Variants in MRTFB observed in about 807,000 individuals in gnomAD.
The protein encoded by MRTFB is myocardin-related transcription factor B.
In MRTFB, 29 loss-of-function variants were observed where a neutral mutation model predicts 104.2. That is an observed-to-expected ratio of 0.28 (90% CI 0.21 to 0.38). The LOEUF is 0.38. MRTFB is among the 10% of genes least tolerant of loss of function. The pLI, the probability that MRTFB is intolerant of heterozygous loss-of-function variation, is 1.00. For synonymous variants in MRTFB, 535 were observed against 519.5 expected (o/e 1.03, Z -0.41); for missense variants, 1,270 against 1,341.6 (o/e 0.95, Z 0.83).
chr16:14,252,979 C>G (rs926753388), intron 15 of MRTFB, among the ~76,000 whole-genome samples: 3 of 152,150 alleles, frequency 2.0e-5, no homozygotes, highest in East Asian at 3.9e-4. Context: ...CCAGCCCATC[C>G]AAATGACTTT....
chr16:14,058,735 T>TC, the MRTFB span, among the ~76,000 whole-genome samples: 1 of 138,592 alleles, frequency 7.2e-6, no homozygotes, highest in South Asian at 2.4e-4. Context: ...TTTTTTTTTT[T>TC]TGAGACGGAG....
chr16:14,210,380 T>C (rs750720413), intron 4 of MRTFB, 72 bp downstream of exon 4: 1 of 1,173,082 alleles, frequency 8.5e-7, no homozygotes, highest in African/African-American at 1.5e-5. Flanking sequence ...AGAGCCTGCA[T>C]CTTGCTCTGC....
chr16:14,179,672 T>C (rs960152466), intron 3 of MRTFB, among the ~76,000 whole-genome samples: 25 of 152,292 alleles, frequency 1.6e-4, no homozygotes, highest in African/African-American at 5.8e-4. Context: ...AATTCTTTAG[T>C]GGTTGAAATA....
At chr16:14,146,360 C>G (rs568247191) in intron 3 of MRTFB, among the ~76,000 whole-genome samples, 2 of 152,296 alleles carry the variant, frequency 1.3e-5, no homozygotes, top group South Asian at 2.1e-4. Flanking sequence ...TTTTAAACTT[C>G]GGTATTACAA....
At chr16:14,043,407 C>T in the MRTFB span, among the ~76,000 whole-genome samples, 3 of 151,898 alleles carry the variant, frequency 2.0e-5, no homozygotes, top group Non-Finnish European at 4.4e-5. Flanking sequence ...TCAGAGGCCA[C>T]GAGGCATTTC....
chr16:14,082,571 C>T (rs1396953411), intron 2 of MRTFB, among the ~76,000 whole-genome samples: 2 of 152,070 alleles, frequency 1.3e-5, no homozygotes, highest in Non-Finnish European at 2.9e-5. Context: ...AGTTTGAAAA[C>T]CAGAAGTTCG....
rs146553280 is a variant in MRTFB, at chr16:14,077,454, C to G, written c.-128-1836C>G. On this transcript the variant is annotated intron_variant, in intron 1 of 16. Coordinates refer to ENST00000571589, the MANE Select transcript of MRTFB (RefSeq NM_001308142.2). ...GACATTAGTCTTTCTATTCATATAGCAGTACTACATTGGTTTTATAAAATG... is the reference window on the plus strand; with the variant it reads ...GACATTAGTCTTTCTATTCATATAGGAGTACTACATTGGTTTTATAAAATG... 6.0e-5 allele frequency among the ~76,000 whole-genome samples: 9 copies of G among 150,838 alleles called. No individual in the cohort carries two copies. In the East Asian group the frequency reaches 1.7e-3, roughly 29 times the overall value.
chr16:14,006,389 G>T, the MRTFB span, among the ~76,000 whole-genome samples: 5 of 151,620 alleles, frequency 3.3e-5, no homozygotes, highest in Non-Finnish European at 7.4e-5. Flanking sequence ...GGTAGCACGC[G>T]CCTGTAATCA....
intron 3 of MRTFB, among the ~76,000 whole-genome samples, chr16:14,148,400 A>T (rs1257694466): frequency 6.6e-6 from 1 of 152,226 alleles, no homozygotes; most frequent in Non-Finnish European, 1.5e-5. Flanking sequence ...GAGCCTAATG[A>T]ATACAGGGAA....
chr16:14,019,022 A>C, the MRTFB span: 1 of 152,270 alleles, frequency 6.6e-6, no homozygotes, highest in Non-Finnish European at 1.5e-5. Flanking sequence ...AAGAGCCCCA[A>C]GTGGCGGGGT....
intron 3 of MRTFB, chr16:14,143,476 T>C (rs2038123454): frequency 6.6e-6 from 1 of 151,960 alleles, no homozygotes; most frequent in South Asian, 2.1e-4. Context: ...TCCCGGTATC[T>C]TTGAATAAAT....
chr16:14,236,748 G>C (rs1004191489), intron 9 of MRTFB, among the ~76,000 whole-genome samples: 1 of 152,198 alleles, frequency 6.6e-6, no homozygotes, highest in African/African-American at 2.4e-5. Context: ...GTAGAGCCTT[G>C]TAAGAAGTTA....
At chr16:14,225,751 ACTC>A (rs1415531053) in intron 8 of MRTFB, among the ~76,000 whole-genome samples, 1 of 152,076 alleles carries the variant, frequency 6.6e-6, no homozygotes, top group Non-Finnish European at 1.5e-5. Flanking sequence ...CTGGTCTCGA[ACTC>A]CTGAGCTTAG....
the MRTFB span, among the ~76,000 whole-genome samples, chr16:14,017,923 TG>T: frequency 6.6e-6 from 1 of 151,104 alleles, no homozygotes; most frequent in African/African-American, 2.4e-5. Flanking sequence ...GTTCTTGCTA[TG>T]TTGCCCAGAT....
upstream of MRTFB, among the ~76,000 whole-genome samples, chr16:14,068,702 G>A (rs62034416): frequency 0.013 from 1,968 of 152,240 alleles, 21 homozygotes; most frequent in Non-Finnish European, 0.02. Flanking sequence ...GATTTGTGAC[G>A]GTTGATTTTA....
intron 3 of MRTFB, among the ~76,000 whole-genome samples, chr16:14,181,841 A>G (rs778162590): frequency 5.9e-5 from 9 of 152,134 alleles, no homozygotes; most frequent in Non-Finnish European, 1.3e-4. Flanking sequence ...ACTTTCTTGG[A>G]TTGTTCCTAG....
At chr16:14,199,349 T>G in intron 3 of MRTFB, among the ~76,000 whole-genome samples, 1 of 152,198 alleles carries the variant, frequency 6.6e-6, no homozygotes, top group Non-Finnish European at 1.5e-5. Flanking sequence ...TCCTCTCTAT[T>G]TATATTCTCT....
intron 8 of MRTFB, among the ~76,000 whole-genome samples, chr16:14,224,924 C>T (rs897340688): frequency 2.0e-5 from 3 of 152,212 alleles, no homozygotes; most frequent in Non-Finnish European, 4.4e-5. Context: ...GTGGCTTACA[C>T]CTGTAATCCC....
rs936270949 is a variant in MRTFB at position 14,252,129 on chromosome 16, T to C, written c.2565+106T>C. On this transcript the variant is annotated intron_variant, in intron 14 of 16. Transcript: ENST00000571589. Reference sequence around the variant, plus strand: ...AGTGACTAATGTTAATGGGATAAAATTGTTGAAAATACAGTGATAACTTGT... The same window carrying C: ...AGTGACTAATGTTAATGGGATAAAACTGTTGAAAATACAGTGATAACTTGT... The C allele has an allele frequency of 7.5e-6, 10 of 1,333,680 alleles. No homozygotes were observed. In the East Asian group the frequency reaches 1.4e-4, roughly 19 times the overall value. The allele number at this position is 1,333,680 out of a possible 1,614,324, so 82.6% of individuals were successfully genotyped here. A position where few individuals can be genotyped will look rare whatever the true frequency, so the allele number is the denominator to read the frequency against.
Sources: gnomAD v4.1 joint callset for allele counts (sites outside exome capture counted in the v4.1 genomes callset) on GRCh38, gnomAD v4.1.1 for gene constraint, MANE v1.5 for transcripts, NCBI Gene and HGNC (gene_info 2026-07-23, HGNC 2026-07-21) for gene names.